The following SMG6 variants were observed in gnomAD, a reference collection of about 807,000 sequenced individuals.
SMG6 encodes SMG6 nonsense mediated mRNA decay factor.
Under a neutral mutation model 142.2 loss-of-function variants are expected in SMG6, and 66 were observed. The observed-to-expected ratio is 0.46, with a 90% CI of 0.38 to 0.57. The LOEUF (loss-of-function observed/expected upper bound fraction) is 0.57. SMG6 is among the 20% of genes least tolerant of loss of function. The pLI is 0.00. For missense variants in SMG6, 1,793 were observed against 1,832.0 expected, an observed-to-expected ratio of 0.98 and a Z score of 0.39; for synonymous variants, 779 against 702.4, an observed-to-expected ratio of 1.11 and a Z score of -1.72.
intron 13 of SMG6, among the ~76,000 whole-genome samples, chr17:2,163,070 G>A (rs1291810931): frequency 4.6e-5 from 7 of 152,138 alleles, no homozygotes; most frequent in Admixed American, 1.3e-4. Context: ...GGGCTCAAGC[G>A]ATCCTCCTGC....
chr17:2,303,770 G>C lies in SMG6; in HGVS notation c.-50C>G. 2 of 1,451,642 alleles carry C rather than the reference G, an allele frequency of 1.4e-6. No homozygotes were observed. The highest frequency in any genetic ancestry group is 1.8e-6 in the Non-Finnish European group (2 of 1,095,678). The allele number at this position is 1,451,642 out of a possible 1,614,324, so 89.9% of individuals were successfully genotyped here. On this transcript the variant is annotated 5_prime_UTR_variant, in exon 1 of 19. Coordinates refer to ENST00000263073, the MANE Select transcript of SMG6 (RefSeq NM_017575.5). ...AGCGGCTCCGCCACCGCCGCGCGCAGCCAGGAAACCACCACAGACGGGCGG... is the reference window on the plus strand; with the variant it reads ...AGCGGCTCCGCCACCGCCGCGCGCACCCAGGAAACCACCACAGACGGGCGG...
intron 10 of SMG6, among the ~76,000 whole-genome samples, chr17:2,219,811 AAAAAAAAAAAGAAAAGAAAAAG>A (rs1167487082): frequency 2.0e-5 from 3 of 151,696 alleles, no homozygotes; most frequent in African/African-American, 7.3e-5. Flanking sequence ...ATCAAAAAAA[AAAAAAAAAAAGAAAAGAAAAAG>A]AAAAAAGAAA....
intron 10 of SMG6, chr17:2,236,078 A>T (rs527618539): frequency 6.5e-6 from 1 of 153,122 alleles, no homozygotes; most frequent in South Asian, 2.1e-4. Context: ...CATATTGAAC[A>T]AACAGGGTAC....
intron 13 of SMG6, among the ~76,000 whole-genome samples, chr17:2,095,989 C>A (rs1052161088): frequency 6.6e-6 from 1 of 152,178 alleles, no homozygotes; most frequent in Non-Finnish European, 1.5e-5. Context: ...ATTACTCCCC[C>A]AACCTGCAGT....
At chr17:2,277,287 C>T (rs975310296) in intron 8 of SMG6, among the ~76,000 whole-genome samples, 1 of 151,770 alleles carries the variant, frequency 6.6e-6, no homozygotes, top group African/African-American at 2.4e-5. Flanking sequence ...CTGCCTCAGC[C>T]TCCCGAGTAG....
intron 17 of SMG6, 75 bp from the exon 18 acceptor site, chr17:2,065,229 GC>G: frequency 3.1e-6 from 4 of 1,285,072 alleles, no homozygotes; most frequent in Non-Finnish European, 4.5e-6. Flanking sequence ...GGGATCCTCT[GC>G]CTCGGGGGCC....
intron 10 of SMG6, among the ~76,000 whole-genome samples, chr17:2,230,357 A>T (rs1406764874): frequency 6.7e-6 from 1 of 149,720 alleles, no homozygotes; most frequent in Non-Finnish European, 1.5e-5. Context: ...CAAACAATCA[A>T]ATTGACAAGC....
intron 13 of SMG6, chr17:2,087,821 G>A: frequency 1.0e-6 from 1 of 985,830 alleles, no homozygotes; most frequent in Non-Finnish European, 1.2e-6. Context: ...CACTTGCATA[G>A]GAAACTTCTG....
At chr17:2,227,962 C>T (rs956169274) in intron 10 of SMG6, among the ~76,000 whole-genome samples, 2 of 152,040 alleles carry the variant, frequency 1.3e-5, no homozygotes, top group African/African-American at 4.8e-5. Flanking sequence ...GGACAGAACT[C>T]GCAAACATAT....
intron 10 of SMG6, among the ~76,000 whole-genome samples, chr17:2,227,666 T>C (rs902632759): frequency 6.6e-6 from 1 of 152,234 alleles, no homozygotes; most frequent in Admixed American, 6.5e-5. Context: ...GTTAGTAACT[T>C]GGGCATGTAA....
At chr17:2,173,595 C>A (rs1463991153) in intron 12 of SMG6, among the ~76,000 whole-genome samples, 1 of 152,160 alleles carries the variant, frequency 6.6e-6, no homozygotes, top group Non-Finnish European at 1.5e-5. Flanking sequence ...AGTTTTAGCA[C>A]TGAAAGTCCC....
rs186077397 is a variant in SMG6 at position 2,275,931 on chromosome 17, A to G, written c.2661+6716T>C. On this transcript the variant is annotated intron_variant, in intron 8 of 18. Transcript: ENST00000263073. ...CCTCCTGCAACCATTCAGAGAGAGA[A>G]AGATCCAAAGCAAATGCTTGGCAGA... Among the ~76,000 whole-genome samples, 140 of 152,320 alleles carry G rather than the reference A, an allele frequency of 9.2e-4. No homozygotes were observed. In the Middle Eastern group the frequency reaches 0.01, roughly 11 times the overall value.
intron 13 of SMG6, among the ~76,000 whole-genome samples, chr17:2,168,243 G>C (rs2071401045): frequency 2.0e-5 from 3 of 151,802 alleles, no homozygotes; most frequent in South Asian, 2.1e-4. Context: ...ACCCAGGCTG[G>C]AGTACAGTGG....
chr17:2,263,952 A>T (rs1319216482), intron 8 of SMG6, among the ~76,000 whole-genome samples: 1 of 152,220 alleles, frequency 6.6e-6, no homozygotes, highest in Admixed American at 6.5e-5. Context: ...GCTCCCCAAG[A>T]GAACAGTCAG....
Position 2,081,912 on chromosome 17 carries a change from A to G in SMG6, c.3579T>C (p.Ala1193=). 6.2e-7 allele frequency: 1 copy of G among 1,614,184 alleles called. No individual in the cohort carries two copies. Among genetic ancestry groups the G allele is most frequent in the Non-Finnish European group, 8.5e-7 (1 of 1,180,042 alleles). Residue 1193 remains alanine (A), a synonymous_variant, in exon 15 of 19, where the codon GCT becomes GCC. Transcript: ENST00000263073. Reference sequence around the variant, plus strand: ...TGTCATCCTCGCCTCCGCTGCCTTCAGCCTCTGAATCTTCCTCAAAGTCTT... The same window carrying G: ...TGTCATCCTCGCCTCCGCTGCCTTCGGCCTCTGAATCTTCCTCAAAGTCTT... ...VIEDFEEDSE[A]EGSGGEDDIR...
Position 2,172,730 on chromosome 17 carries a change from C to A in SMG6, c.3285G>T (p.Arg1095=), listed in dbSNP as rs759654218. The part of the protein sequence containing the change: ...DLTLLILEED[R]LLSGFVPLLA... The stretch of plus-strand genomic sequence containing the variant: ...GCAAGGGGACAAAGCCCGAGAGAAG[C>A]CGATCCTCTTCCAGGATAAGAAGGG... The change falls in exon 13 of 19, where the codon CGG becomes CGT. Residue 1095 remains arginine, a synonymous_variant. Transcript: ENST00000263073. 9 of 1,614,122 alleles carry A rather than the reference C, an allele frequency of 5.6e-6. No individual in the cohort carries two copies. The East Asian group carries it at 2.0e-4, about 36-fold the overall frequency.
intron 10 of SMG6, chr17:2,212,696 C>T (rs934904501): frequency 1.3e-5 from 2 of 152,290 alleles, no homozygotes; most frequent in Admixed American, 6.5e-5. Context: ...CCTGAAACCA[C>T]ACCCTACCAA....
intron 13 of SMG6, chr17:2,127,587 C>T: frequency 1.7e-6 from 1 of 585,480 alleles, no homozygotes; most frequent in East Asian, 4.4e-5. Flanking sequence ...CCCAATCTTG[C>T]TGGGCATGCA....
At chr17:2,247,834 C>T (rs957906244) in intron 8 of SMG6, among the ~76,000 whole-genome samples, 4 of 151,656 alleles carry the variant, frequency 2.6e-5, no homozygotes, top group African/African-American at 9.7e-5. Flanking sequence ...TGGCTTACGC[C>T]TGTAGTCCCA....
Sources: allele counts gnomAD v4.1 joint callset (sites outside exome capture counted in the v4.1 genomes callset), GRCh38; gene constraint gnomAD v4.1.1; transcripts MANE v1.5; gene names NCBI Gene and HGNC (gene_info 2026-07-23, HGNC 2026-07-21).